ITFG1: variants seen among roughly 807,000 people sequenced by gnomAD.
ITFG1 encodes the protein T-cell immunomodulatory protein.
Under a neutral mutation model 81.8 loss-of-function variants are expected in ITFG1, and 34 were observed. The observed-to-expected ratio is 0.42, with a 90% confidence interval of 0.32 to 0.55. The LOEUF is 0.55. ITFG1 is among the 20% of genes least tolerant of loss of function. The probability of loss-of-function intolerance (pLI) is 0.17; values close to 1 mark genes in which losing one functional copy is unlikely to be tolerated. For synonymous variants in ITFG1, 285 were observed against 270.6 expected, an observed-to-expected ratio of 1.05 and a Z score of -0.52; for missense variants, 672 against 755.4, an observed-to-expected ratio of 0.89 and a Z score of 1.29.
intron 14 of ITFG1, among the ~76,000 whole-genome samples, chr16:47,206,500 A>C (rs1042167070): frequency 6.6e-6 from 1 of 152,178 alleles, no homozygotes; most frequent in Non-Finnish European, 1.5e-5. Flanking sequence ...CCTCAATATG[A>C]AACTCCATAC....
intron 7 of ITFG1, among the ~76,000 whole-genome samples, chr16:47,369,833 CTTTTT>C (rs71134539): frequency 9.7e-5 from 5 of 51,712 alleles, no homozygotes; most frequent in African/African-American, 2.3e-4. Context: ...TCAATATCCT[CTTTTT>C]TTTTTTTTTT....
intron 10 of ITFG1, among the ~76,000 whole-genome samples, chr16:47,271,210 T>C (rs956471170): frequency 1.3e-5 from 2 of 152,034 alleles, no homozygotes; most frequent in African/African-American, 4.8e-5. Flanking sequence ...ATTTTTGAAA[T>C]CTCATATTTA....
At chr16:47,345,957 A>G (rs1050066017) in intron 8 of ITFG1, among the ~76,000 whole-genome samples, 2 of 152,230 alleles carry the variant, frequency 1.3e-5, no homozygotes, top group African/African-American at 4.8e-5. Flanking sequence ...AGGAGACTTC[A>G]GTATCCCACT....
At chr16:47,259,397 G>A (rs1966178735) in intron 11 of ITFG1, among the ~76,000 whole-genome samples, 1 of 151,900 alleles carries the variant, frequency 6.6e-6, no homozygotes, top group African/African-American at 2.4e-5. Context: ...TCATATTTTT[G>A]ATGTACAGAA....
intron 14 of ITFG1, among the ~76,000 whole-genome samples, chr16:47,168,914 G>C (rs906502536): frequency 6.6e-6 from 1 of 151,882 alleles, no homozygotes; most frequent in African/African-American, 2.4e-5. Context: ...TATTTTATAT[G>C]GAGTCCCACT....
chr16:47,169,950 T>C (rs1252243495), intron 14 of ITFG1, among the ~76,000 whole-genome samples: 1 of 152,236 alleles, frequency 6.6e-6, no homozygotes, highest in Non-Finnish European at 1.5e-5. Flanking sequence ...CCATATATTA[T>C]TTTTCCCTTA....
At chr16:47,199,813 A>G (rs1254230872) in intron 14 of ITFG1, among the ~76,000 whole-genome samples, 2 of 152,148 alleles carry the variant, frequency 1.3e-5, no homozygotes, top group Non-Finnish European at 2.9e-5. Context: ...GGGAGCCCTG[A>G]GCTTGTTTTC....
At chr16:47,195,908 CCT>C (rs200864614) in intron 14 of ITFG1, among the ~76,000 whole-genome samples, 2,440 of 152,244 alleles carry the variant, frequency 0.016, 23 homozygotes, top group Middle Eastern at 0.031. Context: ...GTGCTGTTCC[CCT>C]CTCTGTGTCC....
intron 8 of ITFG1, among the ~76,000 whole-genome samples, chr16:47,318,622 TTA>T (rs1596889894): frequency 6.6e-6 from 1 of 152,266 alleles, no homozygotes; most frequent in East Asian, 1.9e-4. Flanking sequence ...AGAGCTTTGT[TTA>T]TGTGACTTAT....
chr16:47,297,729 TA>T (rs1470930045), intron 10 of ITFG1, among the ~76,000 whole-genome samples: 1 of 152,002 alleles, frequency 6.6e-6, no homozygotes, highest in Admixed American at 6.6e-5. Context: ...GCTACTCTGA[TA>T]AGGTTTCTCT....
intron 12 of ITFG1, among the ~76,000 whole-genome samples, chr16:47,247,838 G>A (rs575830883): frequency 5.3e-4 from 80 of 152,116 alleles, no homozygotes; most frequent in African/African-American, 1.9e-3. Flanking sequence ...GGGTTTAAAG[G>A]GCTCTTTGTG....
intron 6 of ITFG1, among the ~76,000 whole-genome samples, chr16:47,426,858 G>T (rs754382429): frequency 2.6e-5 from 4 of 152,084 alleles, no homozygotes; most frequent in Non-Finnish European, 5.9e-5. Flanking sequence ...TACTTTTAAA[G>T]AAAATAAGTT....
chr16:47,287,163 T>C (rs1966872709), intron 10 of ITFG1, among the ~76,000 whole-genome samples: 1 of 152,208 alleles, frequency 6.6e-6, no homozygotes, highest in East Asian at 1.9e-4. Flanking sequence ...ATTCTAACTC[T>C]GTACACCATA....
At chr16:47,345,195 A>C (rs1967835091) in intron 8 of ITFG1, among the ~76,000 whole-genome samples, 1 of 152,202 alleles carries the variant, frequency 6.6e-6, no homozygotes, top group African/African-American at 2.4e-5. Flanking sequence ...CCTGGGCCAC[A>C]ATGGAAGAAG....
chr16:47,208,006 G>T (rs1282262497), intron 14 of ITFG1, among the ~76,000 whole-genome samples: 1 of 152,146 alleles, frequency 6.6e-6, no homozygotes, highest in Non-Finnish European at 1.5e-5. Flanking sequence ...TTTACAGTAA[G>T]AAAACTGTAG....
At chr16:47,277,308 A>G (rs749256809) in intron 10 of ITFG1, among the ~76,000 whole-genome samples, 19 of 152,222 alleles carry the variant, frequency 1.2e-4, no homozygotes, top group Non-Finnish European at 2.8e-4. Context: ...CCCTAGGTAT[A>G]CACATGAGAT....
At chr16:47,324,403 C>T (rs550390018) in intron 8 of ITFG1, among the ~76,000 whole-genome samples, 43 of 152,182 alleles carry the variant, frequency 2.8e-4, no homozygotes, top group Admixed American at 7.2e-4. Flanking sequence ...TAAAGACCAT[C>T]AAGGCTAGGA....
intron 5 of ITFG1, 151 bp from the exon 6 acceptor site, chr16:47,429,049 GT>G: frequency 1.7e-6 from 1 of 594,954 alleles, no homozygotes; most frequent in Non-Finnish European, 2.9e-6. Context: ...GCAGTGAGTG[GT>G]TTTTAGTATG....
intron 8 of ITFG1, among the ~76,000 whole-genome samples, chr16:47,359,729 A>C (rs1447652846): frequency 5.9e-5 from 9 of 152,212 alleles, no homozygotes; most frequent in Non-Finnish European, 1.2e-4. Flanking sequence ...ATCTTCACTT[A>C]TGTGTTCCGT....
Sources: gnomAD v4.1 joint callset for allele counts (sites outside exome capture counted in the v4.1 genomes callset) on GRCh38, gnomAD v4.1.1 for gene constraint, MANE v1.5 for transcripts, NCBI Gene and HGNC (gene_info 2026-07-23, HGNC 2026-07-21) for gene names.